Variants in CDH18 observed in about 807,000 individuals in gnomAD.
CDH18 encodes cadherin-18.
CDH18 carries 31 observed loss-of-function variants against 67.9 expected under a neutral mutation model. That is an observed-to-expected ratio of 0.46 (90% confidence interval 0.34 to 0.62). The LOEUF (loss-of-function observed/expected upper bound fraction) is 0.62, where lower values mean the gene tolerates loss of function less well. CDH18 is among the 20% of genes least tolerant of loss of function. The pLI is 0.01. For missense variants in CDH18, 890 were observed against 975.5 expected, an observed-to-expected ratio of 0.91 and a Z score of 1.17; for synonymous variants, 362 against 347.2, an observed-to-expected ratio of 1.04 and a Z score of -0.48.
intron 2 of CDH18, among the ~76,000 whole-genome samples, chr5:19,867,165 A>T (rs1240346893): frequency 1.3e-5 from 2 of 152,190 alleles, no homozygotes; most frequent in East Asian, 3.8e-4. Context: ...CTGTAATATA[A>T]TATGACATTT....
intron 3 of CDH18, among the ~76,000 whole-genome samples, chr5:19,790,443 T>C (rs1174007353): frequency 6.6e-6 from 1 of 152,166 alleles, no homozygotes; most frequent in Non-Finnish European, 1.5e-5. Context: ...AAAGGTATAT[T>C]GTATGTGCAT....
intron 9 of CDH18, 70 bp downstream of exon 9, chr5:19,543,799 T>A: frequency 8.8e-7 from 1 of 1,138,134 alleles, no homozygotes; most frequent in Admixed American, 2.2e-5. Context: ...AGAGCCCTGC[T>A]CTTAAGGAAA....
At chr5:19,585,585 C>T (rs1034317907) in intron 7 of CDH18, among the ~76,000 whole-genome samples, 7 of 152,082 alleles carry the variant, frequency 4.6e-5, no homozygotes, top group African/African-American at 1.2e-4. Context: ...TTTTAAATTA[C>T]TTATCCTCTC....
intron 12 of CDH18, among the ~76,000 whole-genome samples, chr5:19,482,275 C>A (rs1222977142): frequency 6.6e-6 from 1 of 152,018 alleles, no homozygotes; most frequent in South Asian, 2.1e-4. Context: ...GCCACCACCC[C>A]TGGCTAATTT....
chr5:19,712,187 T>C (rs1040930626), intron 5 of CDH18, among the ~76,000 whole-genome samples: 11 of 152,066 alleles, frequency 7.2e-5, no homozygotes, highest in Admixed American at 6.6e-4. Flanking sequence ...GGGAAATTAC[T>C]TATTGGGTAC....
chr5:19,678,439 A>G (rs762835927), intron 5 of CDH18, among the ~76,000 whole-genome samples: 1 of 151,902 alleles, frequency 6.6e-6, no homozygotes, highest in Non-Finnish European at 1.5e-5. Flanking sequence ...GAAACTGATG[A>G]GAAGATACAA....
chr5:19,516,579 A>G (rs1258483573), intron 10 of CDH18, among the ~76,000 whole-genome samples: 1 of 152,104 alleles, frequency 6.6e-6, no homozygotes, highest in Non-Finnish European at 1.5e-5. Context: ...TAGTCTTGGT[A>G]GGGTATATTG....
intron 5 of CDH18, among the ~76,000 whole-genome samples, chr5:19,687,265 A>G (rs867790495): frequency 1.3e-5 from 2 of 152,086 alleles, no homozygotes; most frequent in Non-Finnish European, 2.9e-5. Flanking sequence ...ACCTGCTAAG[A>G]GATAAGAAGT....
chr5:20,408,191 T>C (rs1037445380), intron 1 of CDH18, among the ~76,000 whole-genome samples: 9 of 151,934 alleles, frequency 5.9e-5, no homozygotes, highest in African/African-American at 2.2e-4. Context: ...ATAAAGACTT[T>C]CCCCGGTAAA....
At chr5:20,326,602 A>C (rs1048244010) in intron 1 of CDH18, among the ~76,000 whole-genome samples, 2 of 148,764 alleles carry the variant, frequency 1.3e-5, no homozygotes, top group African/African-American at 5.0e-5. Context: ...GCAGTGGCGC[A>C]ATCTCAGCTC....
chr5:19,931,034 C>T (rs551125503), intron 2 of CDH18, among the ~76,000 whole-genome samples: 413 of 152,006 alleles, frequency 2.7e-3, no homozygotes, highest in Non-Finnish European at 4.3e-3. Context: ...ACGATGTACT[C>T]AAATATTGAA....
intron 5 of CDH18, among the ~76,000 whole-genome samples, chr5:19,643,394 T>C (rs1754308423): frequency 6.6e-6 from 1 of 152,170 alleles, no homozygotes; most frequent in Admixed American, 6.5e-5. Flanking sequence ...ATGTTCATTG[T>C]AGCGTAATTC....
intron 2 of CDH18, among the ~76,000 whole-genome samples, chr5:19,844,554 A>G (rs1014086537): frequency 3.3e-5 from 5 of 152,152 alleles, no homozygotes; most frequent in African/African-American, 1.2e-4. Flanking sequence ...GTGTTTCTTT[A>G]TAGCAGTGTG....
At chr5:20,243,576 G>A (rs2973196) in intron 2 of CDH18, among the ~76,000 whole-genome samples, 106,171 of 151,532 alleles carry the variant, frequency 0.7, 37,824 homozygotes, top group African/African-American at 0.85. Flanking sequence ...CATCTAGCTC[G>A]CTGTGAAATA....
chr5:19,648,760 T>A (rs1755158927), intron 5 of CDH18, among the ~76,000 whole-genome samples: 1 of 152,084 alleles, frequency 6.6e-6, no homozygotes, highest in Non-Finnish European at 1.5e-5. Context: ...TACTTTTATT[T>A]TTATGACCCC....
chr5:20,005,986 A>C, intron 2 of CDH18, among the ~76,000 whole-genome samples: 1 of 152,010 alleles, frequency 6.6e-6, no homozygotes, highest in East Asian at 1.9e-4. Context: ...TAACATATTT[A>C]TTGAATTTCC....
chr5:20,523,440 G>A (rs995951891), intron 1 of CDH18, among the ~76,000 whole-genome samples: 10 of 152,182 alleles, frequency 6.6e-5, no homozygotes, highest in Middle Eastern at 3.4e-3. Context: ...CAATTATGAC[G>A]GTGATACATC....
At chr5:20,112,815 T>C (rs1485884386) in intron 2 of CDH18, among the ~76,000 whole-genome samples, 1 of 152,230 alleles carries the variant, frequency 6.6e-6, no homozygotes, top group East Asian at 1.9e-4. Flanking sequence ...ATGCCTTTTG[T>C]TGTTAGCTAA....
intron 1 of CDH18, among the ~76,000 whole-genome samples, chr5:20,285,558 T>C (rs538057004): frequency 1.3e-5 from 2 of 151,468 alleles, no homozygotes; most frequent in South Asian, 4.2e-4. Context: ...CTTCCGTGTA[T>C]AAATAAAGTG....
Sources: gnomAD v4.1 joint callset for allele counts (sites outside exome capture counted in the v4.1 genomes callset) on GRCh38, gnomAD v4.1.1 for gene constraint, MANE v1.5 for transcripts, NCBI Gene and HGNC (gene_info 2026-07-23, HGNC 2026-07-21) for gene names.